Variants in ENOX1 observed in about 807,000 individuals in gnomAD.
ENOX1 encodes the protein candidate growth-related and time keeping constitutive hydroquinone (NADH) oxidase.
Under a neutral mutation model 82.5 loss-of-function variants are expected in ENOX1, and 42 were observed. That is an observed-to-expected ratio of 0.51 (90% CI 0.40 to 0.66). The LOEUF is 0.66. Among genes scored for constraint, ENOX1 ranks in the 30% least tolerant of loss-of-function variants. The pLI is 0.00. For missense variants in ENOX1, 608 were observed against 811.6 expected (o/e 0.75, Z 3.05); for synonymous variants, 271 against 282.2 (o/e 0.96, Z 0.40).
intron 2 of ENOX1, among the ~76,000 whole-genome samples, chr13:43,563,018 G>T (rs917931124): frequency 6.6e-6 from 1 of 152,068 alleles, no homozygotes; most frequent in African/African-American, 2.4e-5. Context: ...GATTTAATCT[G>T]CACTATAGAC....
chr13:43,718,621 G>A (rs1259846552), intron 1 of ENOX1, among the ~76,000 whole-genome samples: 1 of 126,084 alleles, frequency 7.9e-6, no homozygotes, highest in African/African-American at 3.0e-5. Flanking sequence ...AGCTTGCAGT[G>A]AGCCAAGATA....
chr13:43,369,638 T>C (rs1566055267), intron 5 of ENOX1, among the ~76,000 whole-genome samples: 3 of 152,258 alleles, frequency 2.0e-5, no homozygotes, highest in Non-Finnish European at 4.4e-5. Flanking sequence ...TGAAACTAAA[T>C]GAAATTTGCA....
intron 2 of ENOX1, among the ~76,000 whole-genome samples, chr13:43,614,160 T>A (rs1018465199): frequency 2.5e-4 from 38 of 152,248 alleles, no homozygotes; most frequent in African/African-American, 8.7e-4. Flanking sequence ...TCCTCACCCA[T>A]CAGGAACAGG....
chr13:43,752,314 C>T (rs1950367290), intron 1 of ENOX1, among the ~76,000 whole-genome samples: 1 of 151,884 alleles, frequency 6.6e-6, no homozygotes, highest in Non-Finnish European at 1.5e-5. Flanking sequence ...GAAATATTTT[C>T]TCCCAATCTG....
At chr13:43,761,551 T>C (rs905019698) in intron 1 of ENOX1, among the ~76,000 whole-genome samples, 2 of 152,214 alleles carry the variant, frequency 1.3e-5, no homozygotes, top group African/African-American at 4.8e-5. Context: ...CTGCCCACTA[T>C]CTCTGGATGT....
intron 2 of ENOX1, among the ~76,000 whole-genome samples, chr13:43,559,896 CCTTTT>C (rs1388366352): frequency 1.9e-4 from 29 of 152,236 alleles, no homozygotes; most frequent in Admixed American, 1.1e-3. Flanking sequence ...ATACTCTAGG[CCTTTT>C]CTTTAAAAGT....
chr13:43,536,494 C>T (rs1056928558), intron 2 of ENOX1, among the ~76,000 whole-genome samples: 1 of 151,934 alleles, frequency 6.6e-6, no homozygotes, highest in Admixed American at 6.6e-5. Context: ...AGGCTTCAAA[C>T]CATAAAAGGA....
At chr13:43,364,179 C>CGCACAAACTGAAAATCGAGGAAG (rs1305940297) in intron 5 of ENOX1, among the ~76,000 whole-genome samples, 1 of 152,074 alleles carries the variant, frequency 6.6e-6, no homozygotes, top group African/African-American at 2.4e-5. Flanking sequence ...TTAAAGCAAA[C>CGCACAAACTGAAAATCGAGGAAG]GCACAAACTG....
intron 14 of ENOX1, among the ~76,000 whole-genome samples, chr13:43,248,585 T>A (rs772277309): frequency 6.6e-6 from 1 of 152,116 alleles, no homozygotes; most frequent in Non-Finnish European, 1.5e-5. Flanking sequence ...CATAAGCTTA[T>A]AACCTTTTTT....
At chr13:43,767,966 C>T (rs1001795864) in intron 1 of ENOX1, among the ~76,000 whole-genome samples, 4 of 152,112 alleles carry the variant, frequency 2.6e-5, no homozygotes, top group East Asian at 3.9e-4. Flanking sequence ...CGGGGGGGAG[C>T]GGAGGGGGGC....
At chr13:43,695,592 C>T (rs1191260523) in intron 1 of ENOX1, among the ~76,000 whole-genome samples, 1 of 151,948 alleles carries the variant, frequency 6.6e-6, no homozygotes, top group Non-Finnish European at 1.5e-5. Flanking sequence ...GGACTACAGG[C>T]ATGCACCACC....
At chr13:43,227,775 A>G (rs537413254) in intron 15 of ENOX1, among the ~76,000 whole-genome samples, 98 of 152,266 alleles carry the variant, frequency 6.4e-4, no homozygotes, top group African/African-American at 2.2e-3. Flanking sequence ...GCTTTTCCTT[A>G]TAAGAGTTCA....
intron 16 of ENOX1, among the ~76,000 whole-genome samples, chr13:43,214,338 G>A (rs1168477234): frequency 1.3e-5 from 2 of 152,116 alleles, no homozygotes; most frequent in Admixed American, 6.5e-5. Flanking sequence ...TTGGCTGGGC[G>A]GAAAGTGCCA....
intron 3 of ENOX1, among the ~76,000 whole-genome samples, chr13:43,454,783 A>T (rs2057143662): frequency 2.0e-5 from 3 of 151,166 alleles, no homozygotes; most frequent in South Asian, 2.1e-4. Context: ...TCTTTTGTGT[A>T]TCTATCATTA....
intron 1 of ENOX1, among the ~76,000 whole-genome samples, chr13:43,721,139 G>A (rs1036131604): frequency 1.3e-5 from 2 of 152,108 alleles, no homozygotes; most frequent in African/African-American, 4.8e-5. Flanking sequence ...TTTGTGCAGT[G>A]TTTCCACTGG....
At chr13:43,476,211 C>A (rs2153652181) in intron 3 of ENOX1, among the ~76,000 whole-genome samples, 1 of 152,144 alleles carries the variant, frequency 6.6e-6, no homozygotes, top group African/African-American at 2.4e-5. Context: ...ATTTATTGAG[C>A]ACATGCTAGG....
At chr13:43,522,702 G>GT (rs2077824672) in intron 2 of ENOX1, among the ~76,000 whole-genome samples, 2 of 152,058 alleles carry the variant, frequency 1.3e-5, no homozygotes, top group Admixed American at 1.3e-4. Flanking sequence ...GCAGACCCTT[G>GT]TGCTTTAGTG....
In ENOX1 at chr13:43,786,951, GCGCACGCGCGC is replaced by G. The variant is rs969900666; in HGVS notation, c.-595_-585del. 1 of 150,780 alleles carries G rather than the reference GCGCACGCGCGC, an allele frequency of 6.6e-6. No individual in the cohort carries two copies. The highest frequency in any genetic ancestry group is 1.5e-5 in the Non-Finnish European group (1 of 67,558). 9.3% of individuals were successfully genotyped at this position (150,780 alleles called of 1,614,324 possible). A position where few individuals can be genotyped will look rare whatever the true frequency, so the allele number is the denominator to read the frequency against. On this transcript the variant is annotated 5_prime_UTR_variant, in exon 1 of 17. Coordinates refer to ENST00000690772, the MANE Select transcript of ENOX1 (RefSeq NM_001347969.2). The surrounding 1 kb of genome is among the most constrained non-coding windows in gnomAD (Gnocchi z 6.0). ...TCCGCGGCTGGAGGCGCGCGGGCGT[GCGCACGCGCGC>G]CTGCGAGTGTGAGTGTATGGGTGCG...
intron 1 of ENOX1, among the ~76,000 whole-genome samples, chr13:43,722,942 T>C (rs2088677539): frequency 6.6e-6 from 1 of 152,174 alleles, no homozygotes; most frequent in Admixed American, 6.5e-5. Context: ...CTAAAAGATA[T>C]ACCAAGAAAA....
Sources: gnomAD v4.1 joint callset for allele counts (sites outside exome capture counted in the v4.1 genomes callset) on GRCh38, gnomAD v4.1.1 for gene constraint, Gnocchi (gnomAD v3.1) non-coding constraint, MANE v1.5 for transcripts, NCBI Gene and HGNC (gene_info 2026-07-23, HGNC 2026-07-21) for gene names.